IFT140: variants seen among roughly 807,000 people sequenced by gnomAD.
The protein encoded by IFT140 is intraflagellar transport 140, also known as intraflagellar transport protein 140 homolog.
In IFT140, 133 loss-of-function variants were observed where a neutral mutation model predicts 164.6. The observed-to-expected ratio is 0.81, with a 90% CI of 0.70 to 0.93. The LOEUF (loss-of-function observed/expected upper bound fraction) is 0.93. Ranked by LOEUF, IFT140 falls within the 40% of genes least tolerant of loss-of-function variation. The pLI is 0.00. For synonymous variants in IFT140, 860 were observed against 817.3 expected (o/e 1.05, Z -0.89); for missense variants, 2,045 against 1,972.3 (o/e 1.04, Z -0.70).
chr16:1,583,927 GT>G (rs1305907136), intron 11 of IFT140, among the ~76,000 whole-genome samples: 1 of 151,938 alleles, frequency 6.6e-6, no homozygotes, highest in Non-Finnish European at 1.5e-5. Flanking sequence ...GTATTTTGGA[GT>G]TTTAGCATCT....
In IFT140 at chr16:1,562,105, C is replaced by A; in HGVS notation, c.2079G>T (p.Leu693Phe). ...CTTCGGAAATGAAGAAGGACAGGAT[C>A]AAAACATCTGCCTGGGAGAGAAAGA... ...DGRAGPAADV[L>F]ILSFFISEEH... Residue 693 changes from leucine to phenylalanine, a missense_variant, in exon 18 of 31, where the codon TTG (leucine) becomes TTT (phenylalanine). Physicochemically the swap from Leu to Phe is conservative, Grantham distance 22. Transcript: ENST00000426508. 6.2e-7 allele frequency: 1 copy of A among 1,602,830 alleles called. No homozygotes were observed.
chr16:1,526,493 T>C (rs1366535584), intron 20 of IFT140, 126 bp downstream of exon 20: 4 of 1,057,936 alleles, frequency 3.8e-6, no homozygotes, highest in Non-Finnish European at 5.3e-6. Context: ...TCCTGGGTCA[T>C]GCCTCTCGGC....
At chr16:1,584,102 G>C (rs1038386238) in intron 11 of IFT140, 115 bp downstream of exon 11, 3 of 753,450 alleles carry the variant, frequency 4.0e-6, no homozygotes, top group Non-Finnish European at 6.6e-6. Context: ...AGAGAATCTA[G>C]GATGGAACTG....
Position 1,524,597 on chromosome 16 carries a change from G to C in IFT140, c.3096C>G (p.Phe1032Leu). The C allele has an allele frequency of 1.2e-6, 2 of 1,608,382 alleles. No homozygotes were observed. Among genetic ancestry groups the C allele is most frequent in the Admixed American group, 1.7e-5 (1 of 59,644 alleles). ...SQEEVGQAVHFYTRAQAFKNA... is the reference protein window; with the variant it reads ...SQEEVGQAVHLYTRAQAFKNA... ...TCTTGAAGGCCTGTGCCCGGGTGTA[G>C]AAGTGCACCGCCTGCCCGACCTCCT... Residue 1032 changes from phenylalanine to leucine, a missense_variant, in exon 24 of 31, where the codon TTC becomes TTG. Phe to Leu is a conservative substitution (Grantham distance 22, BLOSUM62 0). Coordinates refer to ENST00000426508, the MANE Select transcript of IFT140 (RefSeq NM_014714.4).
chr16:1,518,884 G>A (rs1054885159), intron 29 of IFT140, among the ~76,000 whole-genome samples: 10 of 152,100 alleles, frequency 6.6e-5, no homozygotes, highest in Non-Finnish European at 1.5e-4. Context: ...TCCAGGGCAG[G>A]TGACTGGAGC....
At chr16:1,561,843 G>A in intron 18 of IFT140, 142 bp downstream of exon 18, 1 of 715,038 alleles carries the variant, frequency 1.4e-6, no homozygotes, top group Non-Finnish European at 2.2e-6. Flanking sequence ...GAGACTGGAT[G>A]GCTGATGCTG....
At position 1,588,058 on chromosome 16, in the gene IFT140, G is replaced by A. The variant is rs771944225; in HGVS notation, c.811-34C>T. 46 of 1,594,296 alleles carry A rather than the reference G, an allele frequency of 2.9e-5. No individual in the cohort carries two copies. The African/African-American group carries it at 5.9e-4, about 20-fold the overall frequency. On this transcript the variant is annotated intron_variant, in intron 7 of 30. Coordinates refer to ENST00000426508, the MANE Select transcript of IFT140 (RefSeq NM_014714.4). ...GGAAACAACCGAGCAGAGGCACCGTGCTTGCTGAGACGGCCTGTCCCGGCT... is the reference window on the plus strand; with the variant it reads ...GGAAACAACCGAGCAGAGGCACCGTACTTGCTGAGACGGCCTGTCCCGGCT...
At chr16:1,513,962 T>G (rs180891311) in intron 30 of IFT140, among the ~76,000 whole-genome samples, 2 of 150,624 alleles carry the variant, frequency 1.3e-5, no homozygotes, top group East Asian at 2.0e-4. Flanking sequence ...CGTGAGCCAC[T>G]GCACCCGGCT....
chr16:1,516,073 G>A (rs748476553), intron 30 of IFT140, among the ~76,000 whole-genome samples: 5 of 140,896 alleles, frequency 3.5e-5, no homozygotes, highest in Non-Finnish European at 7.6e-5. Context: ...CTGGAGGGTA[G>A]AGGTTGTGGT....
At chr16:1,566,115 T>C in intron 16 of IFT140, 46 bp downstream of exon 16, 1 of 1,599,094 alleles carries the variant, frequency 6.3e-7, no homozygotes, top group Non-Finnish European at 8.6e-7. Context: ...GAGAAGTAAC[T>C]GAACATCATT....
Position 1,592,297 on chromosome 16 carries a change from C to G in IFT140, c.513G>C (p.Lys171Asn). ...PPGEDLVQLA[K>N]AAVSGDEKAL... ...CTTTCTCATCACCGCTCACAGCTGC[C>G]TTTGCCAACTGAACCAGGTCCCTGA... Residue 171 changes from lysine to asparagine, a missense_variant, in exon 6 of 31, where the codon AAG becomes AAC. Lys to Asn is a moderately conservative substitution (Grantham distance 94). Coordinates refer to ENST00000426508, the MANE Select transcript of IFT140 (RefSeq NM_014714.4). The G allele has an allele frequency of 6.2e-7, 1 of 1,614,212 alleles. No homozygotes were observed. Among genetic ancestry groups the G allele is most frequent in the Non-Finnish European group, 8.5e-7 (1 of 1,180,048 alleles).
chr16:1,606,206 A>C (rs2036052217), intron 3 of IFT140, among the ~76,000 whole-genome samples: 1 of 152,236 alleles, frequency 6.6e-6, no homozygotes, highest in Non-Finnish European at 1.5e-5. Flanking sequence ...AAATGATTAG[A>C]GTTCCAAATG....
At position 1,523,545 on chromosome 16, in the gene IFT140, C is replaced by T. The variant is rs202224171; in HGVS notation, c.3426G>A (p.Ala1142=). 1.5e-4 allele frequency: 246 copies of T among 1,612,774 alleles called. 1 individual carries two copies. The highest frequency in any genetic ancestry group is 1.1e-3 in the Admixed American group (65 of 60,022). Residue 1142 remains alanine, a synonymous_variant, in exon 26 of 31, where the codon GCG becomes GCA. Coordinates refer to ENST00000426508, the MANE Select transcript of IFT140 (RefSeq NM_014714.4). ...FFIEHSQYER[A]VELLLAARKY... ...TCCTGGCAGCCAGCAGCAGCTCTAC[C>T]GCCCTCTCGTACTGACTGTGCTCGA...
At chr16:1,521,955 G>C (rs1458645607) in intron 26 of IFT140, among the ~76,000 whole-genome samples, 1 of 151,630 alleles carries the variant, frequency 6.6e-6, no homozygotes, top group Non-Finnish European at 1.5e-5. Flanking sequence ...GAGCATGGTG[G>C]CTCACACCTG....
chr16:1,592,871 C>T (rs2035260555), intron 4 of IFT140, among the ~76,000 whole-genome samples: 1 of 151,540 alleles, frequency 6.6e-6, no homozygotes, highest in Admixed American at 6.6e-5. Flanking sequence ...GGACAGGTGT[C>T]CTGGCAGAGT....
chr16:1,587,038 G>C (rs1268821395), intron 9 of IFT140, among the ~76,000 whole-genome samples, 160 bp downstream of exon 9: 1 of 152,198 alleles, frequency 6.6e-6, no homozygotes, highest in South Asian at 2.1e-4. Flanking sequence ...ACAAAGCTCT[G>C]CCGTTGCTTG....
At chr16:1,583,539 C>A (rs1303252045) in intron 11 of IFT140, among the ~76,000 whole-genome samples, 153 bp from the exon 12 acceptor site, 1 of 151,892 alleles carries the variant, frequency 6.6e-6, no homozygotes, top group Non-Finnish European at 1.5e-5. Context: ...CCTCTGTGGA[C>A]AGGCTGAGGC....
At chr16:1,598,127 C>A (rs1430633980) in intron 4 of IFT140, among the ~76,000 whole-genome samples, 2 of 151,930 alleles carry the variant, frequency 1.3e-5, no homozygotes, top group South Asian at 4.2e-4. Flanking sequence ...AAGGGAACAA[C>A]CTGATAAAAA....
At chr16:1,517,822 A>T (rs1484545275) in intron 30 of IFT140, among the ~76,000 whole-genome samples, 1 of 152,106 alleles carries the variant, frequency 6.6e-6, no homozygotes, top group Non-Finnish European at 1.5e-5. Context: ...TGAGACTGTT[A>T]CTTTTTGCTA....
Sources: gnomAD v4.1 joint callset for allele counts (sites outside exome capture counted in the v4.1 genomes callset) on GRCh38, gnomAD v4.1.1 for gene constraint, MANE v1.5 for transcripts, NCBI Gene and HGNC (gene_info 2026-07-23, HGNC 2026-07-21) for gene names.